TPRG1: variants seen among roughly 807,000 people sequenced by gnomAD.
The protein encoded by TPRG1 is tumor protein p63-regulated gene 1 protein.
In TPRG1, 29 loss-of-function variants were observed where a neutral mutation model predicts 29.3. The ratio of observed to expected loss-of-function variants is 0.99; its 90% CI spans 0.74 to 1.35. The LOEUF (loss-of-function observed/expected upper bound fraction) is 1.35, where lower values mean the gene tolerates loss of function less well. TPRG1 is among the 40% of genes most tolerant of loss of function. TPRG1 has a pLI of 0.00. For synonymous variants in TPRG1, 130 were observed against 116.8 expected (o/e 1.11, Z -0.73); for missense variants, 327 against 335.0 (o/e 0.98, Z 0.19).
chr3:189,036,779 T>C (rs1714296391), intron 4 of TPRG1, among the ~76,000 whole-genome samples: 1 of 151,832 alleles, frequency 6.6e-6, no homozygotes, highest in Non-Finnish European at 1.5e-5. Flanking sequence ...TTAGATGTAA[T>C]GTACAGATGG....
At chr3:189,212,009 A>AACT (rs1553923469) in intron 2 of TPRG1, 1 of 151,358 alleles carries the variant, frequency 6.6e-6, no homozygotes, top group Non-Finnish European at 1.5e-5. Flanking sequence ...TATTATGATA[A>AACT]TCTTGGTTGT....
chr3:189,007,243 A>C (rs892214565), intron 3 of TPRG1, among the ~76,000 whole-genome samples: 14 of 151,894 alleles, frequency 9.2e-5, no homozygotes, highest in African/African-American at 3.4e-4. Context: ...GAAGGACATG[A>C]ACAGACACTT....
intron 1 of TPRG1, among the ~76,000 whole-genome samples, chr3:189,112,665 T>A (rs1720675681): frequency 6.6e-6 from 1 of 151,912 alleles, no homozygotes; most frequent in Non-Finnish European, 1.5e-5. Flanking sequence ...CTCTCAGGTT[T>A]GTCAAAGATC....
Position 189,320,785 on chromosome 3 carries a change from G to T in TPRG1, c.793G>T (p.Gly265Cys). ...MSFIGNRNKL[G>C]YSLARGSIGF ...ATTCATTGGAAACCGCAACAAACTT[G>T]GCTATTCCCTTGCCCGTGGGAGTAT... The change falls in exon 6 of 6, where the codon GGC becomes TGC. Residue 265 changes from glycine to cysteine, a missense_variant. Coordinates refer to ENST00000345063, the MANE Select transcript of TPRG1 (RefSeq NM_198485.4). 1 of 1,607,174 alleles carries T rather than the reference G, an allele frequency of 6.2e-7. No individual in the cohort carries two copies. Among genetic ancestry groups the T allele is most frequent in the Non-Finnish European group, 8.5e-7 (1 of 1,176,996 alleles).
At chr3:189,155,078 A>C (rs536770175) in intron 5 of TPRG1, among the ~76,000 whole-genome samples, 51 of 152,212 alleles carry the variant, frequency 3.4e-4, no homozygotes, top group African/African-American at 1.2e-3. Flanking sequence ...CTGGCAAGCT[A>C]AGGGACCCAC....
In TPRG1 at chr3:189,324,645, T is replaced by C. The variant is rs1421777694; in HGVS notation, c.*3825T>C. 1 of 152,106 alleles carries C rather than the reference T, an allele frequency of 6.6e-6. No individual in the cohort carries two copies. Among genetic ancestry groups the C allele is most frequent in the Non-Finnish European group, 1.5e-5 (1 of 68,022 alleles). The allele number at this position is 152,106 out of a possible 1,614,324, so 9.4% of individuals were successfully genotyped here. A position where few individuals can be genotyped will look rare whatever the true frequency, so the allele number is the denominator to read the frequency against. Reference sequence around the variant, plus strand: ...CAGCTTCACCTCTGCTGGCATTTTGTGGGGCAGGAGAGGGGGAGGGCAAAG... The same window carrying C: ...CAGCTTCACCTCTGCTGGCATTTTGCGGGGCAGGAGAGGGGGAGGGCAAAG... On this transcript the variant is annotated 3_prime_UTR_variant, in exon 6 of 6. Transcript: ENST00000345063.
intron 1 of TPRG1, among the ~76,000 whole-genome samples, chr3:189,119,565 C>A (rs1043742041): frequency 2.0e-5 from 3 of 152,140 alleles, no homozygotes; most frequent in Non-Finnish European, 2.9e-5. Flanking sequence ...CTCCACATGT[C>A]GTGGGAGGTA....
intron 4 of TPRG1, among the ~76,000 whole-genome samples, chr3:189,239,127 T>G (rs1173054099): frequency 6.6e-6 from 1 of 152,170 alleles, no homozygotes; most frequent in African/African-American, 2.4e-5. Context: ...ACACTGCTCA[T>G]AAAGACATAC....
At chr3:189,123,448 A>G (rs572342879) in intron 1 of TPRG1, 1 of 152,346 alleles carries the variant, frequency 6.6e-6, no homozygotes, top group South Asian at 2.1e-4. Context: ...TGTGTAATGT[A>G]CAAGAAGGTA....
upstream of TPRG1, among the ~76,000 whole-genome samples, chr3:189,167,776 G>A (rs1377253415): frequency 1.3e-5 from 2 of 152,188 alleles, no homozygotes; most frequent in African/African-American, 4.8e-5. Context: ...CATCTGTAAT[G>A]AGTGTGAAAA....
chr3:189,279,811 C>T lies in TPRG1; in HGVS notation c.480-30575C>T, dbSNP rs543551169. ...GTTGTTTCTAGACACTCACTATCAA[C>T]GTATAGATTGTGACTTTGGATGAAA... On this transcript the variant is annotated intron_variant, in intron 4 of 5. Transcript: ENST00000345063. Among the ~76,000 whole-genome samples the T allele has an allele frequency of 6.6e-5, 10 of 152,222 alleles. No homozygotes were observed. In the East Asian group the frequency reaches 9.7e-4, roughly 15 times the overall value.
chr3:189,169,255 C>T, upstream of TPRG1, among the ~76,000 whole-genome samples: 1 of 152,180 alleles, frequency 6.6e-6, no homozygotes, highest in Non-Finnish European at 1.5e-5. Context: ...ACCTCCGCCT[C>T]CTGGGCTTAA....
chr3:189,305,879 G>A (rs1721554812), intron 4 of TPRG1, among the ~76,000 whole-genome samples: 1 of 152,144 alleles, frequency 6.6e-6, no homozygotes, highest in Admixed American at 6.5e-5. Flanking sequence ...GGAGGCTTTG[G>A]AACTTACTAG....
At chr3:189,065,107 C>T (rs1437622718) in intron 4 of TPRG1, among the ~76,000 whole-genome samples, 3 of 152,032 alleles carry the variant, frequency 2.0e-5, no homozygotes, top group Non-Finnish European at 2.9e-5. Context: ...AGCCCAGGAA[C>T]TCAAGGCTGC....
chr3:189,106,930 G>T (rs1344630012), intron 1 of TPRG1, among the ~76,000 whole-genome samples: 1 of 151,986 alleles, frequency 6.6e-6, no homozygotes, highest in African/African-American at 2.4e-5. Context: ...TTAGACTAGT[G>T]TTCTCTCCTT....
At chr3:189,162,268 C>T (rs1727590714) in intron 5 of TPRG1, among the ~76,000 whole-genome samples, 1 of 152,140 alleles carries the variant, frequency 6.6e-6, no homozygotes. Context: ...GCTGGGATTA[C>T]AGGCATGAGC....
intron 4 of TPRG1, among the ~76,000 whole-genome samples, chr3:189,268,571 C>T (rs1345537730): frequency 6.6e-6 from 1 of 152,134 alleles, no homozygotes; most frequent in African/African-American, 2.4e-5. Flanking sequence ...GAGAAGGGCG[C>T]CAAAATTTAT....
intron 4 of TPRG1, among the ~76,000 whole-genome samples, chr3:189,289,753 A>C (rs1328505161): frequency 6.6e-6 from 1 of 152,178 alleles, no homozygotes; most frequent in Non-Finnish European, 1.5e-5. Flanking sequence ...ACTTAAATCT[A>C]TCAGATTACC....
chr3:189,281,074 T>G (rs1717050007), intron 4 of TPRG1, among the ~76,000 whole-genome samples: 1 of 152,204 alleles, frequency 6.6e-6, no homozygotes, highest in African/African-American at 2.4e-5. Flanking sequence ...GGACTTGCCA[T>G]CAACCAAATG....
Sources: allele counts gnomAD v4.1 joint callset (sites outside exome capture counted in the v4.1 genomes callset), GRCh38; gene constraint gnomAD v4.1.1; transcripts MANE v1.5; gene names NCBI Gene and HGNC (gene_info 2026-07-23, HGNC 2026-07-21).